GRM7: variants seen among roughly 807,000 people sequenced by gnomAD.
GRM7 encodes glutamate metabotropic receptor 7, also known as metabotropic glutamate receptor 7.
GRM7 carries 35 observed loss-of-function variants against 84.5 expected under a neutral mutation model. That is an observed-to-expected ratio of 0.41 (90% CI 0.32 to 0.55). The LOEUF is 0.55. Among genes scored for constraint, GRM7 ranks in the 20% least tolerant of loss-of-function variants. The pLI is 0.19. For missense variants in GRM7, 1,003 were observed against 1,194.6 expected, an observed-to-expected ratio of 0.84 and a Z score of 2.36; for synonymous variants, 487 against 455.1, an observed-to-expected ratio of 1.07 and a Z score of -0.89.
chr3:7,355,398 G>C (rs954756122), intron 4 of GRM7, among the ~76,000 whole-genome samples: 1 of 152,176 alleles, frequency 6.6e-6, no homozygotes, highest in East Asian at 1.9e-4. Flanking sequence ...AAACTGTTCT[G>C]CCCCTTGGTC....
intron 7 of GRM7, among the ~76,000 whole-genome samples, chr3:7,529,947 A>C (rs1004958130): frequency 8.4e-6 from 1 of 119,172 alleles, no homozygotes; most frequent in East Asian, 2.4e-4. Context: ...CATTTTATTT[A>C]TTTCTTTTTA....
intron 8 of GRM7, among the ~76,000 whole-genome samples, chr3:7,588,818 C>G (rs3804889): frequency 0.031 from 4,659 of 152,228 alleles, 202 homozygotes; most frequent in East Asian, 0.095. Context: ...TCATATTGCA[C>G]GCTCTTCGTC....
intron 1 of GRM7, among the ~76,000 whole-genome samples, chr3:6,901,602 T>G (rs1431736098): frequency 3.7e-5 from 1 of 27,140 alleles, no homozygotes; most frequent in African/African-American, 1.8e-4. Flanking sequence ...CAAGACTCCG[T>G]CTAAAAAAAA....
chr3:7,208,164 CA>C (rs1696300591), intron 2 of GRM7, among the ~76,000 whole-genome samples: 1 of 152,184 alleles, frequency 6.6e-6, no homozygotes, highest in Non-Finnish European at 1.5e-5. Flanking sequence ...GATACCTCTC[CA>C]AAAGTCTCAT....
chr3:7,660,606 C>A (rs1203796162), intron 8 of GRM7, among the ~76,000 whole-genome samples: 1 of 149,910 alleles, frequency 6.7e-6, no homozygotes, highest in African/African-American at 2.5e-5. Context: ...AAATCAATAC[C>A]AATCAAAATC....
intron 7 of GRM7, among the ~76,000 whole-genome samples, chr3:7,534,555 A>C (rs1368308624): frequency 1.3e-5 from 2 of 152,162 alleles, no homozygotes; most frequent in African/African-American, 4.8e-5. Flanking sequence ...AAGACTCAGA[A>C]ATAACATTTC....
At chr3:7,346,604 G>A (rs1229545252) in intron 4 of GRM7, among the ~76,000 whole-genome samples, 1 of 152,000 alleles carries the variant, frequency 6.6e-6, no homozygotes, top group Non-Finnish European at 1.5e-5. Flanking sequence ...AGAGAACCAT[G>A]TTTTCATGTG....
At chr3:6,915,918 G>A (rs991490227) in intron 1 of GRM7, among the ~76,000 whole-genome samples, 5 of 152,132 alleles carry the variant, frequency 3.3e-5, no homozygotes, top group African/African-American at 1.2e-4. Context: ...AGCCTATGTG[G>A]ATAATGGCAA....
At chr3:6,971,624 C>T (rs1169165611) in intron 1 of GRM7, among the ~76,000 whole-genome samples, 11 of 152,164 alleles carry the variant, frequency 7.2e-5, no homozygotes, top group African/African-American at 2.2e-4. Flanking sequence ...AAATGGTTGA[C>T]TTTGACACCC....
rs776199292 is a variant in GRM7 at position 7,723,176 on chromosome 3, A to G, written c.2699-17181A>G. ...TTTTAGCTTATCACAAAATACAGCAATTCTCCAACATAATCATAATACCAT... is the reference window on the plus strand; with the variant it reads ...TTTTAGCTTATCACAAAATACAGCAGTTCTCCAACATAATCATAATACCAT... On this transcript the variant is annotated intron_variant, in intron 9 of 9. Transcript: ENST00000357716. Among the ~76,000 whole-genome samples, 25 of 152,148 alleles carry G rather than the reference A, an allele frequency of 1.6e-4. 1 individual carries two copies. Among genetic ancestry groups the G allele is most frequent in the Non-Finnish European group, 5.9e-5 (4 of 68,020 alleles).
intron 2 of GRM7, among the ~76,000 whole-genome samples, chr3:7,271,800 G>A (rs1341192631): frequency 6.6e-6 from 1 of 152,142 alleles, no homozygotes; most frequent in Non-Finnish European, 1.5e-5. Context: ...GCTGCTTCCT[G>A]TTTCCTCAAG....
At chr3:7,153,727 G>T (rs888516372) in intron 2 of GRM7, among the ~76,000 whole-genome samples, 1 of 151,974 alleles carries the variant, frequency 6.6e-6, no homozygotes, top group Non-Finnish European at 1.5e-5. Flanking sequence ...GTATCTGAAT[G>T]GTAGGTACTA....
chr3:7,545,359 G>A (rs1046265821), intron 7 of GRM7, among the ~76,000 whole-genome samples: 3 of 152,174 alleles, frequency 2.0e-5, no homozygotes, highest in Non-Finnish European at 4.4e-5. Context: ...TTAAAATGTA[G>A]GGTTTAACTC....
chr3:7,093,594 T>G (rs1698743886), intron 1 of GRM7, among the ~76,000 whole-genome samples: 1 of 143,440 alleles, frequency 7.0e-6, no homozygotes, highest in Non-Finnish European at 1.5e-5. Context: ...GAAGAATTGC[T>G]TGAACCCAGG....
chr3:7,505,386 T>C (rs1700009874), intron 7 of GRM7, among the ~76,000 whole-genome samples: 2 of 152,244 alleles, frequency 1.3e-5, no homozygotes, highest in African/African-American at 2.4e-5. Flanking sequence ...ATGGCTTTAC[T>C]GGGCATTGCC....
intron 8 of GRM7, among the ~76,000 whole-genome samples, chr3:7,581,820 A>G (rs1559418663): frequency 6.6e-6 from 1 of 152,150 alleles, no homozygotes; most frequent in Non-Finnish European, 1.5e-5. Flanking sequence ...TGTCAAATTC[A>G]TAAGCACAAC....
At chr3:6,915,582 C>T (rs372574773) in intron 1 of GRM7, among the ~76,000 whole-genome samples, 2 of 152,278 alleles carry the variant, frequency 1.3e-5, no homozygotes, top group African/African-American at 4.8e-5. Context: ...AATGAACCTG[C>T]ATGTTACATT....
chr3:7,338,142 A>ACC (rs1553563184), intron 4 of GRM7, among the ~76,000 whole-genome samples: 37 of 148,774 alleles, frequency 2.5e-4, no homozygotes, highest in African/African-American at 8.5e-4. Context: ...ACACACACAC[A>ACC]CCCCATGGAA....
At chr3:7,329,096 A>G (rs1228500766) in intron 4 of GRM7, among the ~76,000 whole-genome samples, 1 of 151,736 alleles carries the variant, frequency 6.6e-6, no homozygotes, top group Non-Finnish European at 1.5e-5. Flanking sequence ...GTTCTGTGAC[A>G]TTAGTGTTAA....
Sources: allele counts gnomAD v4.1 joint callset (sites outside exome capture counted in the v4.1 genomes callset), GRCh38; gene constraint gnomAD v4.1.1; transcripts MANE v1.5; gene names NCBI Gene and HGNC (gene_info 2026-07-23, HGNC 2026-07-21).